Variants in MYBPC1 observed in about 807,000 individuals in gnomAD.
The protein encoded by MYBPC1 is myosin-binding protein C, slow-type.
In MYBPC1, 52 loss-of-function variants were observed where a neutral mutation model predicts 147.1. That is an observed-to-expected ratio of 0.35 (90% CI 0.28 to 0.45). The LOEUF is 0.45. Ranked by LOEUF, MYBPC1 falls within the 20% of genes least tolerant of loss-of-function variation. The probability of loss-of-function intolerance (pLI) is 1.00; values close to 1 mark genes in which losing one functional copy is unlikely to be tolerated. For synonymous variants in MYBPC1, 477 were observed against 475.9 expected, an observed-to-expected ratio of 1.00 and a Z score of -0.03; for missense variants, 1,228 against 1,440.3, an observed-to-expected ratio of 0.85 and a Z score of 2.39.
At chr12:101,643,741 T>C (rs1033454121) in intron 11 of MYBPC1, among the ~76,000 whole-genome samples, 1 of 151,264 alleles carries the variant, frequency 6.6e-6, no homozygotes. Context: ...CAAAGACAAC[T>C]TTTTTTTTAA....
At chr12:101,634,027 GCTGGGACTA>G (rs1890497009) in intron 8 of MYBPC1, among the ~76,000 whole-genome samples, 1 of 151,984 alleles carries the variant, frequency 6.6e-6, no homozygotes, top group Non-Finnish European at 1.5e-5. Flanking sequence ...CTCCCGAGTA[GCTGGGACTA>G]CAGGCGCCCG....
chr12:101,605,023 C>T (rs1320618900), intron 1 of MYBPC1, among the ~76,000 whole-genome samples: 1 of 152,176 alleles, frequency 6.6e-6, no homozygotes, highest in Non-Finnish European at 1.5e-5. Context: ...GTCCCAGGCC[C>T]TGGGTTTACT....
intron 28 of MYBPC1, 62 bp downstream of exon 28, chr12:101,678,300 T>G: frequency 6.3e-7 from 1 of 1,595,406 alleles, no homozygotes; most frequent in East Asian, 2.2e-5. Flanking sequence ...TGTTATAATG[T>G]AAGTAACAAT....
intron 15 of MYBPC1, 145 bp downstream of exon 15, chr12:101,649,571 T>C (rs11110914): frequency 6.6e-5 from 62 of 935,618 alleles, no homozygotes; most frequent in Middle Eastern, 6.0e-4. Flanking sequence ...TAAGTGTCTA[T>C]GTCAGATCAA....
chr12:101,637,092 C>G, intron 10 of MYBPC1: 1 of 235,996 alleles, frequency 4.2e-6, no homozygotes, highest in Non-Finnish European at 8.3e-6. Context: ...AGAGGCAGAC[C>G]TACTTTAATG....
chr12:101,651,045 T>C, intron 15 of MYBPC1, 186 bp from the exon 16 acceptor site: 1 of 700,486 alleles, frequency 1.4e-6, no homozygotes, highest in Non-Finnish European at 2.4e-6. Context: ...ACCTAGTTTT[T>C]CTAAGGAATG....
At chr12:101,650,150 C>G (rs1252377934) in intron 15 of MYBPC1, among the ~76,000 whole-genome samples, 1 of 152,160 alleles carries the variant, frequency 6.6e-6, no homozygotes, top group Non-Finnish European at 1.5e-5. Context: ...AGATCCTTAT[C>G]TGATATTTGT....
chr12:101,676,436 C>T (rs1171138430), intron 26 of MYBPC1, among the ~76,000 whole-genome samples: 3 of 151,890 alleles, frequency 2.0e-5, no homozygotes, highest in African/African-American at 7.3e-5. Flanking sequence ...AAGACTCCAT[C>T]TCAAAAAGAA....
At chr12:101,679,381 G>A (rs892041694) in intron 28 of MYBPC1, among the ~76,000 whole-genome samples, 5 of 152,146 alleles carry the variant, frequency 3.3e-5, no homozygotes, top group African/African-American at 1.2e-4. Context: ...CTTTAGAAAG[G>A]TGTGAGGCTC....
At chr12:101,603,597 T>C (rs1001838144) in intron 1 of MYBPC1, among the ~76,000 whole-genome samples, 3 of 152,112 alleles carry the variant, frequency 2.0e-5, no homozygotes, top group African/African-American at 7.2e-5. Flanking sequence ...CAGCAACAGT[T>C]TGGAGCAAGG....
chr12:101,610,371 G>A (rs545393641), intron 1 of MYBPC1, among the ~76,000 whole-genome samples: 88 of 152,236 alleles, frequency 5.8e-4, no homozygotes, highest in African/African-American at 2.0e-3. Flanking sequence ...AGGGGTATGA[G>A]GGACTCACCT....
chr12:101,675,120 C>T (rs562464741), intron 25 of MYBPC1, among the ~76,000 whole-genome samples, 172 bp from the exon 26 acceptor site: 2 of 152,056 alleles, frequency 1.3e-5, no homozygotes, highest in Non-Finnish European at 2.9e-5. Flanking sequence ...TTTGATCTGG[C>T]CTGGCTCCAT....
chr12:101,637,839 G>A (rs1433919275), intron 10 of MYBPC1, among the ~76,000 whole-genome samples: 1 of 152,148 alleles, frequency 6.6e-6, no homozygotes, highest in Non-Finnish European at 1.5e-5. Flanking sequence ...AAATATTAAT[G>A]GGTGTGATTT....
intron 8 of MYBPC1, among the ~76,000 whole-genome samples, chr12:101,633,942 G>A (rs1175814682): frequency 2.0e-5 from 3 of 150,660 alleles, no homozygotes; most frequent in African/African-American, 7.3e-5. Flanking sequence ...TGTCACCCAG[G>A]CTGGAGTGCA....
intron 30 of MYBPC1, among the ~76,000 whole-genome samples, chr12:101,683,345 A>AG (rs1951143335): frequency 6.6e-6 from 1 of 152,146 alleles, no homozygotes; most frequent in African/African-American, 2.4e-5. Flanking sequence ...CAGGAGGATC[A>AG]CTTGAATCTG....
At position 101,670,248 on chromosome 12, in the gene MYBPC1, C is replaced by G. The variant is rs2136648173; in HGVS notation, c.2525-73C>G. The G allele has an allele frequency of 3.5e-5, 41 of 1,165,858 alleles. No homozygotes were observed. In the South Asian group the frequency reaches 5.0e-4, roughly 14 times the overall value. 72.2% of individuals were successfully genotyped at this position (1,165,858 alleles called of 1,614,324 possible). On this transcript the variant is annotated intron_variant, in intron 23 of 31. Coordinates refer to ENST00000361466, the MANE Select transcript of MYBPC1 (RefSeq NM_002465.4). ...CAAGGGTACGCTGGTGAGCATCATG[C>G]CATTTTGCTTTTGTAAGGCTATTTT... is the stretch of plus-strand genomic sequence containing the variant.
intron 3 of MYBPC1, among the ~76,000 whole-genome samples, chr12:101,624,168 A>G (rs1888034295): frequency 6.6e-6 from 1 of 152,122 alleles, no homozygotes; most frequent in Non-Finnish European, 1.5e-5. Flanking sequence ...GCTTCCTGTT[A>G]AGAATCTCAA....
At chr12:101,612,395 G>T (rs1214154791) in intron 1 of MYBPC1, among the ~76,000 whole-genome samples, 1 of 152,134 alleles carries the variant, frequency 6.6e-6, no homozygotes, top group African/African-American at 2.4e-5. Context: ...AAAAGCAGGA[G>T]GTCTGCTGGG....
At chr12:101,635,498 T>C (rs1266509329) in intron 9 of MYBPC1, among the ~76,000 whole-genome samples, 4 of 152,214 alleles carry the variant, frequency 2.6e-5, no homozygotes, top group Non-Finnish European at 5.9e-5. Context: ...ATATTACTGG[T>C]ATTAGGTATT....
Sources: allele counts gnomAD v4.1 joint callset (sites outside exome capture counted in the v4.1 genomes callset), GRCh38; gene constraint gnomAD v4.1.1; transcripts MANE v1.5; gene names NCBI Gene and HGNC (gene_info 2026-07-23, HGNC 2026-07-21).